MGST1: variants seen among roughly 807,000 people sequenced by gnomAD.
MGST1 encodes microsomal glutathione S-transferase 1.
In MGST1, 5 loss-of-function variants were observed where a neutral mutation model predicts 8.9. The observed-to-expected ratio is 0.56, with a 90% CI of 0.29 to 1.19. The LOEUF (loss-of-function observed/expected upper bound fraction) is 1.19. MGST1 is among the 50% of genes most tolerant of loss of function. MGST1 has a pLI of 0.08. For synonymous variants in MGST1, 54 were observed against 67.8 expected (o/e 0.80, Z 1.00); for missense variants, 182 against 187.4 (o/e 0.97, Z 0.17).
rs994300850 is a variant in MGST1, at chr12:16,484,937, T to G, written n.482+101333T>G. Among the ~76,000 whole-genome samples, 5 of 152,252 alleles carry G rather than the reference T, an allele frequency of 3.3e-5. No homozygotes were observed. In the East Asian group the frequency reaches 9.6e-4, roughly 29 times the overall value. On this transcript the variant is annotated intron_variant and non_coding_transcript_variant, in intron 4 of 4. Transcript: ENST00000538857. Reference sequence around the variant, plus strand: ...GATTGCACCTAAACCCTGATCACTATGCCCACTATATTCATTTATTCATCT... The same window carrying G: ...GATTGCACCTAAACCCTGATCACTAGGCCCACTATATTCATTTATTCATCT...
At chr12:16,512,363 T>G (rs1282146400) in intron 4 of MGST1, among the ~76,000 whole-genome samples, 1 of 152,190 alleles carries the variant, frequency 6.6e-6, no homozygotes, top group African/African-American at 2.4e-5. Flanking sequence ...AAAACACCCA[T>G]TGATTGAATT....
chr12:16,371,884 A>G (rs1236436661), intron 3 of MGST1, among the ~76,000 whole-genome samples: 2 of 152,052 alleles, frequency 1.3e-5, no homozygotes, highest in Non-Finnish European at 2.9e-5. Flanking sequence ...TAAATCCATG[A>G]ATTTAGTCAA....
At chr12:16,471,094 G>A (rs1290713981) in intron 4 of MGST1, among the ~76,000 whole-genome samples, 2 of 152,156 alleles carry the variant, frequency 1.3e-5, no homozygotes, top group African/African-American at 4.8e-5. Context: ...TTCCACTAGT[G>A]TAATTTGAAC....
chr12:16,349,129 A>G (rs1186917755), intron 1 of MGST1: 1 of 152,110 alleles, frequency 6.6e-6, no homozygotes, highest in Non-Finnish European at 1.5e-5. Flanking sequence ...TGGCCACCGA[A>G]TTATCTTTTT....
intron 4 of MGST1, among the ~76,000 whole-genome samples, chr12:16,541,987 G>A (rs765115299): frequency 1.3e-5 from 2 of 152,066 alleles, no homozygotes; most frequent in South Asian, 4.2e-4. Context: ...GTTTAAGTCC[G>A]CCCTGCTGCA....
chr12:16,366,642 CACACACACACACACACACACACAT>C (rs1369598563), downstream of MGST1, among the ~76,000 whole-genome samples: 12 of 64,886 alleles, frequency 1.8e-4, no homozygotes, highest in South Asian at 1.5e-3. This position sits in a 1 kb window ranked among gnomAD's most constrained non-coding sequence, Gnocchi z 4.0. Flanking sequence ...CACACACACA[CACACACACACACACACACACACAT>C]ACACACACAC....
Position 16,572,003 on chromosome 12 carries a change from A to G in MGST1, n.483-17525A>G, listed in dbSNP as rs539200575. ...TAAGAGAAAAATCCCACATTATCAAAATAAAGCCATGAAAGCAATTATTTG... is the reference window on the plus strand; with the variant it reads ...TAAGAGAAAAATCCCACATTATCAAGATAAAGCCATGAAAGCAATTATTTG... On this transcript the variant is annotated intron_variant and non_coding_transcript_variant, in intron 4 of 4. Coordinates refer to the MGST1 transcript ENST00000538857. Among the ~76,000 whole-genome samples, 6 of 152,150 alleles carry G rather than the reference A, an allele frequency of 3.9e-5. 1 individual carries two copies. In the South Asian group the frequency reaches 1.2e-3, roughly 32 times the overall value.
At chr12:16,481,920 T>A (rs1278321489) in intron 4 of MGST1, among the ~76,000 whole-genome samples, 1 of 152,052 alleles carries the variant, frequency 6.6e-6, no homozygotes, top group East Asian at 1.9e-4. Flanking sequence ...CAGGAAAAAT[T>A]TTTAAACTTA....
At chr12:16,557,934 C>A (rs1434925753) in intron 4 of MGST1, among the ~76,000 whole-genome samples, 1 of 151,938 alleles carries the variant, frequency 6.6e-6, no homozygotes, top group African/African-American at 2.4e-5. Flanking sequence ...TCATAAGGTC[C>A]ATTTTTATAT....
chr12:16,544,085 T>G lies in MGST1; in HGVS notation n.483-45443T>G, dbSNP rs1941807884. ...GTCGCTGCAGTTTTCAGGTTGAGTA[T>G]TCCTTTCTGGAACAGTTCACAGCAT... is the stretch of plus-strand genomic sequence containing the variant. On this transcript the variant is annotated intron_variant and non_coding_transcript_variant, in intron 4 of 4. Coordinates refer to the MGST1 transcript ENST00000538857. This position sits in a 1 kb window ranked among gnomAD's most constrained non-coding sequence, Gnocchi z 4.8. Among the ~76,000 whole-genome samples, 1 of 152,114 alleles carries G rather than the reference T, an allele frequency of 6.6e-6. No individual in the cohort carries two copies. Among genetic ancestry groups the G allele is most frequent in the Non-Finnish European group, 1.5e-5 (1 of 67,984 alleles).
intron 4 of MGST1, among the ~76,000 whole-genome samples, chr12:16,565,982 CCATATA>C (rs1565488131): frequency 4.5e-5 from 2 of 44,320 alleles, no homozygotes; most frequent in Non-Finnish European, 7.9e-5. Flanking sequence ...AGAAAATGTG[CCATATA>C]TATATATATA....
At position 16,369,969 on chromosome 12, in the gene MGST1, C is replaced by G. The variant is rs1305419179; in HGVS notation, c.222-6153C>G. The G allele has an allele frequency of 6.6e-6, 1 of 152,202 alleles. No individual in the cohort carries two copies. The highest frequency in any genetic ancestry group is 1.9e-4 in the East Asian group (1 of 5,186). 9.4% of individuals were successfully genotyped at this position (152,202 alleles called of 1,614,324 possible). On this transcript the variant is annotated intron_variant, in intron 3 of 3. Coordinates refer to the MGST1 transcript ENST00000535309. The surrounding 1 kb of genome is among the most constrained non-coding windows in gnomAD (Gnocchi z 4.8). Reference sequence around the variant, plus strand: ...AGATGAACCGCAAAGTCACATGGCACAGGGGCATGGATGCACAGAGGGATG... The same window carrying G: ...AGATGAACCGCAAAGTCACATGGCAGAGGGGCATGGATGCACAGAGGGATG...
At chr12:16,589,840 C>A (rs1943435658), downstream of MGST1, among the ~76,000 whole-genome samples, 1 of 152,010 alleles carries the variant, frequency 6.6e-6, no homozygotes, top group African/African-American at 2.4e-5. The surrounding 1 kb of genome is among the most constrained non-coding windows in gnomAD (Gnocchi z 4.2). Flanking sequence ...GAAATTGTAA[C>A]AGAAAAAAGC....
chr12:16,438,572 A>C (rs138225359), exon 2 of MGST1: 1 of 151,898 alleles, frequency 6.6e-6, no homozygotes, highest in Non-Finnish European at 1.5e-5. Flanking sequence ...ATGGTTGCTC[A>C]TAGAAGGATA....
chr12:16,449,406 C>T (rs558338260), intron 4 of MGST1, among the ~76,000 whole-genome samples: 171 of 151,946 alleles, frequency 1.1e-3, no homozygotes, highest in Non-Finnish European at 1.8e-3. Flanking sequence ...AAACACTTCC[C>T]GCCAGGCCCC....
At chr12:16,368,257 G>A (rs548596437), downstream of MGST1, among the ~76,000 whole-genome samples, 163 of 152,298 alleles carry the variant, frequency 1.1e-3, 1 homozygote, top group African/African-American at 3.8e-3. Context: ...CCCAGTCCTA[G>A]GGAATCCTGA....
chr12:16,528,335 CGT>C (rs1384574502), intron 4 of MGST1, among the ~76,000 whole-genome samples: 1 of 151,556 alleles, frequency 6.6e-6, no homozygotes, highest in Non-Finnish European at 1.5e-5. Context: ...GCGAGGGGAA[CGT>C]ATATAAAGAG....
intron 4 of MGST1, among the ~76,000 whole-genome samples, chr12:16,557,996 T>C (rs753318574): frequency 2.0e-5 from 3 of 152,200 alleles, no homozygotes; most frequent in Admixed American, 6.5e-5. Context: ...ATACAACTTA[T>C]ATATCTGATG....
chr12:16,369,549 A>G lies in MGST1; in HGVS notation c.222-6573A>G, dbSNP rs1270510199. 6.6e-6 allele frequency among the ~76,000 whole-genome samples: 1 copy of G among 152,146 alleles called. No homozygotes were observed. Among genetic ancestry groups the G allele is most frequent in the Non-Finnish European group, 1.5e-5 (1 of 68,018 alleles). On this transcript the variant is annotated intron_variant, in intron 3 of 3. Coordinates refer to the MGST1 transcript ENST00000535309. The surrounding 1 kb of genome is among the most constrained non-coding windows in gnomAD (Gnocchi z 4.8). ...CCTGTACTACAGTGCTCAGCAAACT[A>G]TGGACTCTGGGCCAAATACAGCCCA... is the stretch of plus-strand genomic sequence containing the variant.
Sources: gnomAD v4.1 joint callset for allele counts (sites outside exome capture counted in the v4.1 genomes callset) on GRCh38, gnomAD v4.1.1 for gene constraint, Gnocchi (gnomAD v3.1) non-coding constraint, MANE v1.5 for transcripts, NCBI Gene and HGNC (gene_info 2026-07-23, HGNC 2026-07-21) for gene names.